Variants in CDH4 observed in about 807,000 individuals in gnomAD.
CDH4 encodes the protein cadherin 4, also known as cadherin-4.
CDH4 carries 33 observed loss-of-function variants against 86.0 expected under a neutral mutation model. The observed-to-expected ratio is 0.38, with a 90% CI of 0.29 to 0.51. CDH4 has a LOEUF of 0.51. CDH4 is among the 20% of genes least tolerant of loss of function. The pLI, the probability that CDH4 is intolerant of heterozygous loss-of-function variation, is 0.86. For synonymous variants in CDH4, 555 were observed against 549.4 expected (o/e 1.01, Z -0.14); for missense variants, 1,114 against 1,307.4 (o/e 0.85, Z 2.28).
chr20:61,660,342 T>A (rs957250451), intron 2 of CDH4, among the ~76,000 whole-genome samples: 2 of 152,216 alleles, frequency 1.3e-5, no homozygotes, highest in African/African-American at 4.8e-5. Context: ...TTAATAACTA[T>A]AATTAATTCA....
chr20:61,653,611 G>A (rs1440068254), intron 2 of CDH4, among the ~76,000 whole-genome samples: 2 of 135,416 alleles, frequency 1.5e-5, no homozygotes, highest in African/African-American at 5.2e-5. Flanking sequence ...GGGCAGAGAC[G>A]CTCCTCACTT....
chr20:61,497,805 C>T (rs1767709946), intron 2 of CDH4, among the ~76,000 whole-genome samples: 1 of 152,036 alleles, frequency 6.6e-6, no homozygotes, highest in African/African-American at 2.4e-5. Context: ...TTGGAACCAT[C>T]CCAAATGTCC....
At chr20:61,873,933 T>C in intron 7 of CDH4, 33 bp downstream of exon 7, 2 of 1,604,944 alleles carry the variant, frequency 1.2e-6, no homozygotes, top group Non-Finnish European at 1.7e-6. Context: ...TGCAGGCGGG[T>C]GAGCTCCTGG....
At chr20:61,841,789 C>A (rs1982189153) in intron 4 of CDH4, among the ~76,000 whole-genome samples, 1 of 152,130 alleles carries the variant, frequency 6.6e-6, no homozygotes, top group Non-Finnish European at 1.5e-5. Context: ...GCACCGTGGG[C>A]CTGCAGGCCT....
chr20:61,364,190 G>A lies in CDH4; in HGVS notation c.169+109253G>A, dbSNP rs545678288. Among the ~76,000 whole-genome samples the A allele has an allele frequency of 9.8e-5, 15 of 152,326 alleles. No homozygotes were observed. The South Asian group carries it at 1.2e-3, about 13-fold the overall frequency. ...ACCCCAGCTCAGGCTCATCCAGTAG[G>A]AGCTGAGGATTTAGGAGGGTTTTCT... On this transcript the variant is annotated intron_variant, in intron 2 of 15. Transcript: ENST00000614565.
intron 2 of CDH4, among the ~76,000 whole-genome samples, chr20:61,314,330 C>T (rs888540218): frequency 4.6e-5 from 7 of 152,198 alleles, no homozygotes; most frequent in East Asian, 1.9e-4. Flanking sequence ...ATGAGTTTGA[C>T]GTTTTTAGAT....
At chr20:61,452,151 C>T (rs935703406) in intron 2 of CDH4, among the ~76,000 whole-genome samples, 6 of 152,156 alleles carry the variant, frequency 3.9e-5, no homozygotes, top group African/African-American at 1.4e-4. Flanking sequence ...GGCTTGTGCT[C>T]AGGTTGTAAT....
At chr20:61,565,329 T>A (rs1455462650) in intron 2 of CDH4, among the ~76,000 whole-genome samples, 7 of 68,666 alleles carry the variant, frequency 1.0e-4, no homozygotes, top group East Asian at 6.2e-4. Context: ...GTGCTCTTGG[T>A]GATGGTGGTA....
At chr20:61,882,129 A>G (rs1205237276) in intron 7 of CDH4, among the ~76,000 whole-genome samples, 1 of 152,084 alleles carries the variant, frequency 6.6e-6, no homozygotes, top group Non-Finnish European at 1.5e-5. Context: ...TCTTTAAGCC[A>G]CCTCATTTGA....
intron 6 of CDH4, among the ~76,000 whole-genome samples, chr20:61,870,021 T>C (rs928129628): frequency 3.3e-5 from 5 of 152,152 alleles, no homozygotes; most frequent in Non-Finnish European, 5.9e-5. Context: ...TTCTCAGTGA[T>C]ATGGTGGATC....
chr20:61,334,169 AC>A (rs1198177087), intron 2 of CDH4, among the ~76,000 whole-genome samples: 2 of 151,944 alleles, frequency 1.3e-5, no homozygotes, highest in Non-Finnish European at 2.9e-5. Context: ...CCATTCTGTA[AC>A]CCCCCAAGTC....
rs201573169 is a variant in CDH4, at chr20:61,447,031, T to C, written c.169+192094T>C. On this transcript the variant is annotated intron_variant, in intron 2 of 15. Coordinates refer to ENST00000614565, the MANE Select transcript of CDH4 (RefSeq NM_001794.5). ...CGTTTTTCCCTCTGGAGTACATATCTTTTCCAGTATGATTTGGAGGAATTC... is the reference window on the plus strand; with the variant it reads ...CGTTTTTCCCTCTGGAGTACATATCCTTTCCAGTATGATTTGGAGGAATTC... Among the ~76,000 whole-genome samples the C allele has an allele frequency of 2.6e-5, 4 of 152,374 alleles. No individual in the cohort carries two copies. In the East Asian group the frequency reaches 7.7e-4, roughly 29 times the overall value.
chr20:61,529,105 T>C (rs559969695), intron 2 of CDH4, among the ~76,000 whole-genome samples: 1 of 152,344 alleles, frequency 6.6e-6, no homozygotes, highest in East Asian at 1.9e-4. Flanking sequence ...ATTTTCATGG[T>C]GAGACATTGA....
intron 2 of CDH4, among the ~76,000 whole-genome samples, chr20:61,604,978 G>A (rs2086631454): frequency 6.6e-6 from 1 of 152,200 alleles, no homozygotes; most frequent in African/African-American, 2.4e-5. Context: ...CAGGCTTGCT[G>A]GGGTCTGGGT....
chr20:61,663,478 G>T lies in CDH4; in HGVS notation c.170-80085G>T, dbSNP rs554336566. Among the ~76,000 whole-genome samples the T allele has an allele frequency of 1.6e-3, 240 of 152,076 alleles. No individual in the cohort carries two copies. Among genetic ancestry groups the T allele is most frequent in the African/African-American group, 5.5e-3 (230 of 41,470 alleles). ...TGGGTCGGGGGCATTTCAGGCGAGGGTCCTAGAAATGCCAATGCTGGGGAT... is the reference window on the plus strand; with the variant it reads ...TGGGTCGGGGGCATTTCAGGCGAGGTTCCTAGAAATGCCAATGCTGGGGAT... On this transcript the variant is annotated intron_variant, in intron 2 of 15. Coordinates refer to ENST00000614565, the MANE Select transcript of CDH4 (RefSeq NM_001794.5). This position sits in a 1 kb window ranked among gnomAD's most constrained non-coding sequence, Gnocchi z 5.0.
chr20:61,266,118 A>G (rs1289517484), intron 2 of CDH4, among the ~76,000 whole-genome samples: 2 of 152,208 alleles, frequency 1.3e-5, no homozygotes, highest in African/African-American at 4.8e-5. Flanking sequence ...ACAGGGCCCC[A>G]GAGTGCCGCC....
chr20:61,325,658 G>A (rs1382227826), intron 2 of CDH4, among the ~76,000 whole-genome samples: 3 of 151,950 alleles, frequency 2.0e-5, no homozygotes, highest in Non-Finnish European at 4.4e-5. Context: ...GACTTGGGGG[G>A]GCCACAGCAA....
chr20:61,278,662 G>A (rs529062614), intron 2 of CDH4, among the ~76,000 whole-genome samples: 1 of 152,376 alleles, frequency 6.6e-6, no homozygotes, highest in East Asian at 1.9e-4. Context: ...AAATGCAAGG[G>A]AAATAGAGGC....
chr20:61,601,513 G>T (rs886429748), intron 2 of CDH4, among the ~76,000 whole-genome samples: 1 of 152,152 alleles, frequency 6.6e-6, no homozygotes, highest in African/African-American at 2.4e-5. Flanking sequence ...GGTGCTCCTC[G>T]TCAGCCCCGG....
Sources: gnomAD v4.1 joint callset for allele counts (sites outside exome capture counted in the v4.1 genomes callset) on GRCh38, gnomAD v4.1.1 for gene constraint, Gnocchi (gnomAD v3.1) non-coding constraint, MANE v1.5 for transcripts, NCBI Gene and HGNC (gene_info 2026-07-23, HGNC 2026-07-21) for gene names.